LOC400499: variants seen among roughly 807,000 people sequenced by gnomAD.
chr16:11,462,229 C>A, the LOC400499 span: 1 of 1,533,690 alleles, frequency 6.5e-7, no homozygotes, highest in Non-Finnish European at 8.7e-7. Flanking sequence ...TGCCCCCCGT[C>A]ACCAGTTTCA....
the LOC400499 span, chr16:11,477,011 C>A: frequency 1.6e-3 from 621 of 399,952 alleles, 9 homozygotes; most frequent in African/African-American, 0.011. Flanking sequence ...CACCTGCGAC[C>A]CCCAGCAGCC....
chr16:11,400,738 G>A, the LOC400499 span, among the ~76,000 whole-genome samples: 2,253 of 152,258 alleles, frequency 0.015, 62 homozygotes, highest in African/African-American at 0.052. Flanking sequence ...ACCACGTCCG[G>A]CCCCTCTTTA....
At chr16:11,503,192 G>A in the LOC400499 span, among the ~76,000 whole-genome samples, 3 of 152,222 alleles carry the variant, frequency 2.0e-5, no homozygotes, top group Admixed American at 1.3e-4. Context: ...TGGGATGACA[G>A]GTGTGAGCCA....
At chr16:11,435,180 G>A in the LOC400499 span, among the ~76,000 whole-genome samples, 1 of 151,646 alleles carries the variant, frequency 6.6e-6, no homozygotes, top group Non-Finnish European at 1.5e-5. Context: ...TGGGGTCTAT[G>A]TTGTCCAGAC....
At chr16:11,508,588 A>G in the LOC400499 span, 1 of 396,410 alleles carries the variant, frequency 2.5e-6, no homozygotes, top group East Asian at 3.6e-5. Context: ...CAACCTACCC[A>G]CCCATAGGTG....
At chr16:11,391,772 C>T in the LOC400499 span, 9 of 1,232,146 alleles carry the variant, frequency 7.3e-6, no homozygotes, top group African/African-American at 6.2e-5. Flanking sequence ...TGGCTACTGC[C>T]CAACCACTCG....
chr16:11,438,080 C>T, the LOC400499 span, among the ~76,000 whole-genome samples: 6 of 152,124 alleles, frequency 3.9e-5, no homozygotes, highest in South Asian at 1.2e-3. Flanking sequence ...AGAGCCTCAC[C>T]CACAAAATGA....
chr16:11,501,842 G>C, the LOC400499 span, among the ~76,000 whole-genome samples: 25 of 152,164 alleles, frequency 1.6e-4, no homozygotes, highest in African/African-American at 6.0e-4. Context: ...AGGCCCTTCA[G>C]CTTCTGGTCT....
the LOC400499 span, chr16:11,459,986 G>T: frequency 1.3e-6 from 2 of 1,511,588 alleles, no homozygotes; most frequent in East Asian, 2.5e-5. Context: ...TCTTGTCCCA[G>T]TGCTTCCCGT....
At chr16:11,520,568 G>A in the LOC400499 span, among the ~76,000 whole-genome samples, 1 of 151,292 alleles carries the variant, frequency 6.6e-6, no homozygotes, top group Non-Finnish European at 1.5e-5. Flanking sequence ...TCAGGAGGCT[G>A]ACGCAGGAGA....
the LOC400499 span, among the ~76,000 whole-genome samples, chr16:11,388,331 G>A: frequency 1.3e-5 from 2 of 152,328 alleles, no homozygotes; most frequent in African/African-American, 4.8e-5. Flanking sequence ...CTGACCGCAG[G>A]AAGGCAGGAG....
chr16:11,429,306 G>A, the LOC400499 span, among the ~76,000 whole-genome samples: 2 of 152,138 alleles, frequency 1.3e-5, no homozygotes, highest in African/African-American at 2.4e-5. Flanking sequence ...CCTGTGACGT[G>A]CTGGCAGAGG....
the LOC400499 span, chr16:11,488,673 C>T: frequency 2.5e-5 from 10 of 398,578 alleles, no homozygotes; most frequent in Admixed American, 1.3e-4. Flanking sequence ...CTTTGTGGTT[C>T]CAGAGCAGGA....
At chr16:11,515,682 AGG>A in the LOC400499 span, among the ~76,000 whole-genome samples, 1 of 140,246 alleles carries the variant, frequency 7.1e-6, no homozygotes, top group South Asian at 2.5e-4. Flanking sequence ...AAGGAATTGG[AGG>A]AGAGGAAATG....
the LOC400499 span, among the ~76,000 whole-genome samples, chr16:11,389,658 C>A: frequency 8.7e-6 from 1 of 114,936 alleles, no homozygotes; most frequent in East Asian, 2.9e-4. Context: ...GTACTCTAGC[C>A]TGGGCAACAA....
the LOC400499 span, among the ~76,000 whole-genome samples, chr16:11,391,253 C>T: frequency 2.0e-5 from 3 of 152,216 alleles, no homozygotes; most frequent in Non-Finnish European, 4.4e-5. Context: ...GGTTCCCAGT[C>T]CTGCCACGAG....
chr16:11,492,074 C>G, the LOC400499 span, among the ~76,000 whole-genome samples: 1 of 152,156 alleles, frequency 6.6e-6, no homozygotes, highest in East Asian at 1.9e-4. Flanking sequence ...AGCCTAGAGC[C>G]TCATCAATTC....
chr16:11,385,044 A>T, the LOC400499 span: 1 of 1,232,108 alleles, frequency 8.1e-7, no homozygotes, highest in East Asian at 3.2e-5. Context: ...CCCGGCAGGG[A>T]GGAGTTGTAC....
At chr16:11,388,318 A>G in the LOC400499 span, among the ~76,000 whole-genome samples, 1 of 152,168 alleles carries the variant, frequency 6.6e-6, no homozygotes, top group Non-Finnish European at 1.5e-5. Context: ...ATCAGCCTCC[A>G]TTCTGACCGC....
Sources: allele counts gnomAD v4.1 joint callset (sites outside exome capture counted in the v4.1 genomes callset), GRCh38; gene constraint gnomAD v4.1.1; transcripts MANE v1.5.